MYH13: variants seen among roughly 807,000 people sequenced by gnomAD.
MYH13 encodes the protein myosin heavy chain 13.
Under a neutral mutation model 232.1 loss-of-function variants are expected in MYH13, and 177 were observed. The observed-to-expected ratio is 0.76, with a 90% CI of 0.67 to 0.86. The LOEUF (loss-of-function observed/expected upper bound fraction) is 0.86, where lower values mean the gene tolerates loss of function less well. Among genes scored for constraint, MYH13 ranks in the 40% least tolerant of loss-of-function variants. The pLI, the probability that MYH13 is intolerant of heterozygous loss-of-function variation, is 0.00. For missense variants in MYH13, 2,246 were observed against 2,405.9 expected, an observed-to-expected ratio of 0.93 and a Z score of 1.39; for synonymous variants, 884 against 923.5, an observed-to-expected ratio of 0.96 and a Z score of 0.78.
rs560403896 is a variant in MYH13, at chr17:10,362,238, A to G, written c.385T>C (p.Tyr129His). ...SGLFCVTVNPYKWLPVYKPEV... is the reference protein window; with the variant it reads ...SGLFCVTVNPHKWLPVYKPEV... ...GGCTTGTACACCGGCAGCCACTTGT[A>G]GGGGTTGACGGTGACACAGAAGAGG... Residue 129 changes from tyrosine to histidine, a missense_variant, in exon 5 of 41, where the codon TAC becomes CAC. Tyr to His is a moderately conservative substitution (Grantham distance 83). Coordinates refer to ENST00000252172, the MANE Select transcript of MYH13 (RefSeq NM_003802.3). The G allele has an allele frequency of 6.8e-6, 11 of 1,613,786 alleles. No homozygotes were observed. The South Asian group carries it at 1.1e-4, about 16-fold the overall frequency.
intron 13 of MYH13, among the ~76,000 whole-genome samples, chr17:10,346,013 A>C (rs1484539841): frequency 7.5e-6 from 1 of 133,320 alleles, no homozygotes; most frequent in Non-Finnish European, 1.6e-5. Context: ...AAAAAAAAAA[A>C]CAAAAGAAAA....
intron 11 of MYH13, among the ~76,000 whole-genome samples, chr17:10,352,504 G>T (rs554834152): frequency 2.0e-5 from 3 of 151,994 alleles, no homozygotes; most frequent in Non-Finnish European, 4.4e-5. Context: ...GCAGAGAATT[G>T]CTTGAACCTG....
rs1338053480 is a variant in MYH13 at position 10,333,063 on chromosome 17, A to G, written c.2174+11T>C. On this transcript the variant is annotated intron_variant, in intron 19 of 40. Coordinates refer to ENST00000252172, the MANE Select transcript of MYH13 (RefSeq NM_003802.3). ...GGAAGGAGAGAGATGCACAGGAGAGAGGGAACCTACCGCTGCTTGAAGTCA... is the reference window on the plus strand; with the variant it reads ...GGAAGGAGAGAGATGCACAGGAGAGGGGGAACCTACCGCTGCTTGAAGTCA... 4 of 1,530,210 alleles carry G rather than the reference A, an allele frequency of 2.6e-6. No homozygotes were observed. In the African/African-American group the frequency reaches 5.5e-5, roughly 21 times the overall value. The allele number at this position is 1,530,210 out of a possible 1,614,324, so 94.8% of individuals were successfully genotyped here.
chr17:10,352,451 G>A (rs748799063), intron 11 of MYH13, among the ~76,000 whole-genome samples: 1 of 152,080 alleles, frequency 6.6e-6, no homozygotes, highest in Non-Finnish European at 1.5e-5. Context: ...TTAGCCGAGC[G>A]TGGTGACAGG....
At position 10,343,915 on chromosome 17, in the gene MYH13, G is replaced by C. The variant is rs761135768; in HGVS notation, c.1779C>G (p.Ala593=). 1 of 1,614,220 alleles carries C rather than the reference G, an allele frequency of 6.2e-7. No homozygotes were observed. Among genetic ancestry groups the C allele is most frequent in the African/African-American group, 1.3e-5 (1 of 75,048 alleles). ...GGTCCTTGTTTTTGTCCAGCCAGCC[G>C]GCGATGTTGTAGTCCACGGTGCCGG... The part of the protein sequence containing the change: ...HYAGTVDYNI[A]GWLDKNKDPL... The change falls in exon 16 of 41, where the codon GCC becomes GCG. Residue 593 remains alanine, a synonymous_variant. Coordinates refer to ENST00000252172, the MANE Select transcript of MYH13 (RefSeq NM_003802.3).
Position 10,309,593 on chromosome 17 carries a change from G to A in MYH13, c.4894C>T (p.Gln1632Ter). 1 of 1,613,416 alleles carries A rather than the reference G, an allele frequency of 6.2e-7. No homozygotes were observed. Among genetic ancestry groups the A allele is most frequent in the East Asian group, 2.2e-5 (1 of 44,858 alleles). The stretch of plus-strand genomic sequence containing the variant: ...ATCTGGCGGTTGGAGTGGCCCAGCT[G>A]AATCTCCATCTCATTAAGGTCTCCC... Reference protein sequence around the residue: ...MEGDLNEMEIQLGHSNRQMAE... With the variant: ...MEGDLNEMEI Residue 1632 changes from glutamine to a stop codon, truncating the protein, a stop_gained, in exon 34 of 41, where the codon CAG (glutamine) becomes TAG (stop). Coordinates refer to ENST00000252172, the MANE Select transcript of MYH13 (RefSeq NM_003802.3). LOFTEE classifies it high-confidence loss of function.
chr17:10,367,548 C>G (rs921774657), intron 2 of MYH13, among the ~76,000 whole-genome samples: 1 of 152,070 alleles, frequency 6.6e-6, no homozygotes, highest in Non-Finnish European at 1.5e-5. Context: ...GGGTTTTCAC[C>G]ATGTTGGCCA....
chr17:10,320,093 G>A, intron 26 of MYH13, 60 bp downstream of exon 26: 1 of 1,290,700 alleles, frequency 7.7e-7, no homozygotes, highest in Non-Finnish European at 1.1e-6. Flanking sequence ...GGGGGAAGGA[G>A]TGAGGAGGGG....
At chr17:10,368,583 TAC>T (rs2071855407) in intron 2 of MYH13, among the ~76,000 whole-genome samples, 1 of 152,238 alleles carries the variant, frequency 6.6e-6, no homozygotes, top group Non-Finnish European at 1.5e-5. Flanking sequence ...TAATTACTAA[TAC>T]AGTTTGGTGC....
At chr17:10,345,152 G>A in intron 15 of MYH13, 50 bp downstream of exon 15, 2 of 1,613,678 alleles carry the variant, frequency 1.2e-6, no homozygotes, top group Non-Finnish European at 1.7e-6. Flanking sequence ...AGCAAGAAGG[G>A]GAGGGCCCCC....
chr17:10,324,148 C>A lies in MYH13; in HGVS notation c.2808G>T (p.Met936Ile). Reference sequence around the variant, plus strand: ...TCTTCTTGGCAACCAATTCAGAATTCATCTCCTCTTCCTCTTCCAATCTCT... The same window carrying A: ...TCTTCTTGGCAACCAATTCAGAATTAATCTCCTCTTCCTCTTCCAATCTCT... ...LTERLEEEEE[M>I]NSELVAKKRN... Residue 936 changes from methionine to isoleucine, a missense_variant, in exon 23 of 41, where the codon ATG becomes ATT. By Grantham distance (10) the Met-to-Ile change is conservative. Transcript: ENST00000252172. 6.2e-7 allele frequency: 1 copy of A among 1,613,966 alleles called. No individual in the cohort carries two copies. The highest frequency in any genetic ancestry group is 1.1e-5 in the South Asian group (1 of 91,068).
chr17:10,324,222 G>A lies in MYH13; in HGVS notation c.2734C>T (p.Leu912Phe), dbSNP rs762896337. The change falls in exon 23 of 41, where the codon CTC becomes TTC. Residue 912 changes from leucine to phenylalanine, a missense_variant. Physicochemically the swap from Leu to Phe is conservative, Grantham distance 22. Coordinates refer to ENST00000252172, the MANE Select transcript of MYH13 (RefSeq NM_003802.3). ...TCCAGTAGGATCTTGCTTTTGATGA[G>A]TCCTTCACACCGTTCCTCAGCGTCC... ...LMDAEERCEG[L>F]IKSKILLEAK... 14 of 1,613,724 alleles carry A rather than the reference G, an allele frequency of 8.7e-6. No homozygotes were observed. The highest frequency in any genetic ancestry group is 5.0e-5 in the Admixed American group (3 of 59,976).
intron 7 of MYH13, 55 bp from the exon 8 acceptor site, chr17:10,357,882 C>T: frequency 6.7e-7 from 1 of 1,495,736 alleles, no homozygotes; most frequent in Admixed American, 1.7e-5. Context: ...TCTAAAGTAG[C>T]CCCTTGATGA....
intron 29 of MYH13, among the ~76,000 whole-genome samples, chr17:10,314,615 T>C (rs1906635711): frequency 6.6e-6 from 1 of 152,120 alleles, no homozygotes; most frequent in Non-Finnish European, 1.5e-5. Flanking sequence ...GAGACAAATA[T>C]GGCGCTTGTC....
chr17:10,329,223 CAG>C (rs1183527367), intron 21 of MYH13, among the ~76,000 whole-genome samples: 1 of 152,190 alleles, frequency 6.6e-6, no homozygotes. Context: ...TAGAGCCACA[CAG>C]GGGATCAGGG....
At chr17:10,339,480 A>G (rs1037836458) in intron 18 of MYH13, among the ~76,000 whole-genome samples, 2 of 152,196 alleles carry the variant, frequency 1.3e-5, no homozygotes, top group African/African-American at 2.4e-5. Context: ...TAATATAACA[A>G]AGTGATTGAC....
At chr17:10,303,804 A>G (rs935299775) in intron 37 of MYH13, among the ~76,000 whole-genome samples, 9 of 152,350 alleles carry the variant, frequency 5.9e-5, no homozygotes, top group African/African-American at 1.4e-4. Flanking sequence ...AAATCATTCT[A>G]TGAAGACACA....
Position 10,306,094 on chromosome 17 carries a change from G to A in MYH13, c.5466+365C>T, listed in dbSNP as rs1906270481. ...CATCAAAATGAGTAATTTTATGACT[G>A]TAGAGTATATGTTAATAGTTTTTTC... On this transcript the variant is annotated intron_variant, in intron 37 of 40. Transcript: ENST00000252172. This position sits in a 1 kb window ranked among gnomAD's most constrained non-coding sequence, Gnocchi z 4.3. Among the ~76,000 whole-genome samples, 1 of 152,176 alleles carries A rather than the reference G, an allele frequency of 6.6e-6. No individual in the cohort carries two copies. Among genetic ancestry groups the A allele is most frequent in the Non-Finnish European group, 1.5e-5 (1 of 68,028 alleles).
chr17:10,330,570 T>C, intron 20 of MYH13, 47 bp from the exon 21 acceptor site: 2 of 1,563,536 alleles, frequency 1.3e-6, no homozygotes, highest in Non-Finnish European at 1.7e-6. Context: ...CCAGCAGGCG[T>C]TCAGCCGGGC....
Sources: allele counts gnomAD v4.1 joint callset (sites outside exome capture counted in the v4.1 genomes callset), GRCh38; gene constraint gnomAD v4.1.1; non-coding constraint Gnocchi (gnomAD v3.1); transcripts MANE v1.5; gene names NCBI Gene and HGNC (gene_info 2026-07-23, HGNC 2026-07-21).